ABCA1: variants seen among roughly 807,000 people sequenced by gnomAD.
The protein encoded by ABCA1 is ATP binding cassette subfamily A member 1.
Under a neutral mutation model 262.5 loss-of-function variants are expected in ABCA1, and 133 were observed. The observed-to-expected ratio is 0.51, with a 90% confidence interval of 0.44 to 0.59. ABCA1 has a LOEUF of 0.59. Among genes scored for constraint, ABCA1 ranks in the 20% least tolerant of loss-of-function variants. The probability of loss-of-function intolerance (pLI) is 0.00; values close to 1 mark genes in which losing one functional copy is unlikely to be tolerated. For synonymous variants in ABCA1, 1,022 were observed against 1,043.5 expected (o/e 0.98, Z 0.40); for missense variants, 2,452 against 2,777.5 (o/e 0.88, Z 2.63).
At chr9:104,908,915 A>C (rs1841331093) in intron 1 of ABCA1, among the ~76,000 whole-genome samples, 1 of 152,218 alleles carries the variant, frequency 6.6e-6, no homozygotes. Flanking sequence ...GGAGCATGGC[A>C]GTGGTAGATA....
At chr9:104,812,793 G>A in intron 27 of ABCA1, 71 bp from the exon 28 acceptor site, 1 of 1,590,798 alleles carries the variant, frequency 6.3e-7, no homozygotes, top group Non-Finnish European at 8.6e-7. Flanking sequence ...TCCTTCTTCT[G>A]GTGTCTTCAA....
intron 5 of ABCA1, 104 bp from the exon 6 acceptor site, chr9:104,861,904 T>C: frequency 9.4e-7 from 1 of 1,060,468 alleles, no homozygotes; most frequent in South Asian, 1.4e-5. Flanking sequence ...ATATTGATGA[T>C]CAACAGTTGC....
chr9:104,855,765 C>T (rs1040917780), intron 7 of ABCA1: 6 of 1,556,368 alleles, frequency 3.9e-6, no homozygotes, highest in Non-Finnish European at 5.2e-6. Context: ...TATTCAAACC[C>T]AGACCCAGCT....
At chr9:104,874,859 G>A (rs1356832367) in intron 5 of ABCA1, among the ~76,000 whole-genome samples, 6 of 140,620 alleles carry the variant, frequency 4.3e-5, no homozygotes, top group East Asian at 2.0e-4. Context: ...CACCCCGTCC[G>A]GGAGGGAGGT....
chr9:104,906,882 A>T (rs1741501195), intron 1 of ABCA1, among the ~76,000 whole-genome samples: 1 of 151,994 alleles, frequency 6.6e-6, no homozygotes, highest in South Asian at 2.1e-4. Flanking sequence ...CCCACTTCAC[A>T]GTCATCCCAG....
chr9:104,913,950 C>T (rs1201811922), intron 1 of ABCA1, among the ~76,000 whole-genome samples: 1 of 135,048 alleles, frequency 7.4e-6, no homozygotes, highest in Non-Finnish European at 1.7e-5. Flanking sequence ...CAGCCGCCTG[C>T]CAACACGCCC....
Position 104,882,028 on chromosome 9 carries a change from TAAAAAAAAAAAAAA to T in ABCA1, c.421+997_421+1010del, listed in dbSNP as rs557626075. ...CAAGGAAAGCACAGTTCTGTAGCCTTAAAAAAAAAAAAAAAAAAAAAAAAAAAAACTCAAATCTG... is the reference window on the plus strand; with the variant it reads ...CAAGGAAAGCACAGTTCTGTAGCCTTAAAAAAAAAAAAAAACTCAAATCTG... On this transcript the variant is annotated intron_variant, in intron 5 of 49. Transcript: ENST00000374736. Among the ~76,000 whole-genome samples the T allele has an allele frequency of 2.3e-4, 17 of 73,756 alleles. No homozygotes were observed. In the South Asian group the frequency reaches 2.4e-3, roughly 10 times the overall value. The allele number at this position is 73,756 out of a possible 152,430, so 48.4% of individuals were successfully genotyped here.
chr9:104,893,324 A>G (rs1839918892), intron 2 of ABCA1, among the ~76,000 whole-genome samples: 3 of 144,708 alleles, frequency 2.1e-5, no homozygotes, highest in African/African-American at 7.6e-5. Context: ...CGGGAGGCTG[A>G]GGCAGGAGAA....
chr9:104,868,058 A>T (rs952057779), intron 5 of ABCA1, among the ~76,000 whole-genome samples: 7 of 152,124 alleles, frequency 4.6e-5, no homozygotes, highest in Non-Finnish European at 8.8e-5. Context: ...TTTCCCCCCT[A>T]TTTAAATCTC....
intron 1 of ABCA1, among the ~76,000 whole-genome samples, chr9:104,906,222 C>T (rs184674051): frequency 7.2e-5 from 11 of 152,252 alleles, no homozygotes; most frequent in African/African-American, 2.4e-4. Context: ...AGGGGCAAAG[C>T]AGTAAGGATG....
At chr9:104,834,956 G>C (rs746867762) in intron 11 of ABCA1, among the ~76,000 whole-genome samples, 13 of 152,146 alleles carry the variant, frequency 8.5e-5, no homozygotes, top group Non-Finnish European at 1.2e-4. Context: ...CTCTTTAAGA[G>C]AGGGAAGAAA....
chr9:104,918,953 C>T (rs918274618), intron 1 of ABCA1, among the ~76,000 whole-genome samples: 3 of 152,306 alleles, frequency 2.0e-5, no homozygotes, highest in African/African-American at 7.2e-5. Context: ...TGGCATCCTA[C>T]AAGAATTTTG....
intron 39 of ABCA1, 37 bp downstream of exon 39, chr9:104,796,016 C>G (rs578111601): frequency 1.2e-6 from 2 of 1,611,902 alleles, no homozygotes; most frequent in Non-Finnish European, 1.7e-6. Flanking sequence ...CCCAGAGATG[C>G]TCATCCCAGC....
At chr9:104,896,103 C>A (rs902123254) in intron 2 of ABCA1, among the ~76,000 whole-genome samples, 1 of 152,204 alleles carries the variant, frequency 6.6e-6, no homozygotes, top group African/African-American at 2.4e-5. Flanking sequence ...CTGGCATGGT[C>A]GTAAATCTAA....
chr9:104,889,050 C>T, intron 3 of ABCA1, 52 bp downstream of exon 3: 1 of 1,527,838 alleles, frequency 6.5e-7, no homozygotes, highest in Non-Finnish European at 9.1e-7. Context: ...CGTTAATTGC[C>T]TGGATTTTCC....
chr9:104,846,148 G>A (rs1834854534), intron 7 of ABCA1, among the ~76,000 whole-genome samples: 1 of 152,104 alleles, frequency 6.6e-6, no homozygotes, highest in South Asian at 2.1e-4. Flanking sequence ...TCACCTAACT[G>A]CACAGCAGAT....
intron 48 of ABCA1, 73 bp from the exon 49 acceptor site, chr9:104,785,712 C>T (rs1391317770): frequency 6.3e-7 from 1 of 1,595,962 alleles, no homozygotes; most frequent in African/African-American, 1.3e-5. Flanking sequence ...ACCCTGGGAA[C>T]CCAACTTGTG....
rs749550867 is a variant in ABCA1, at chr9:104,840,407, CA to C, written c.925del (p.Cys309AlafsTer9). ...QIYQAVSRIV[C>X]GHPEGGGLKI... ...CAGCCCCCCTCCCTCGGGATGCCCG[CA>C]GACAATACGAGACACAGCCTGGTAG... On this transcript the variant is annotated frameshift_variant, in exon 9 of 50. Coordinates refer to ENST00000374736, the MANE Select transcript of ABCA1 (RefSeq NM_005502.4). LOFTEE classifies it high-confidence loss of function. The C allele has an allele frequency of 6.2e-7, 1 of 1,614,196 alleles. No individual in the cohort carries two copies. Among genetic ancestry groups the C allele is most frequent in the Non-Finnish European group, 8.5e-7 (1 of 1,180,034 alleles).
intron 44 of ABCA1, among the ~76,000 whole-genome samples, chr9:104,790,158 G>C (rs1588201135): frequency 1.3e-5 from 2 of 151,510 alleles, no homozygotes; most frequent in African/African-American, 4.9e-5. Context: ...CATTATCTAA[G>C]AAGCCTATAA....
Sources: gnomAD v4.1 joint callset for allele counts (sites outside exome capture counted in the v4.1 genomes callset) on GRCh38, gnomAD v4.1.1 for gene constraint, MANE v1.5 for transcripts, NCBI Gene and HGNC (gene_info 2026-07-23, HGNC 2026-07-21) for gene names.